Variants in KRTAP4-7 observed in about 807,000 individuals in gnomAD.
KRTAP4-7 encodes the protein keratin associated protein 4-7.
A neutral mutation model predicts 3.0 loss-of-function variants in KRTAP4-7; 1 was observed. The observed-to-expected ratio is 0.33, with a 90% confidence interval of 0.12 to 1.57. The LOEUF (loss-of-function observed/expected upper bound fraction) is 1.57. KRTAP4-7 is among the 40% of genes most tolerant of loss of function. The pLI is 0.37. For missense variants in KRTAP4-7, 199 were observed against 209.1 expected (o/e 0.95, Z 0.30); for synonymous variants, 70 against 74.6 (o/e 0.94, Z 0.32).
exon 1 of KRTAP4-7, chr17:41,085,058 C>A (rs1597973206): frequency 6.6e-6 from 2 of 302,562 alleles, no homozygotes; most frequent in South Asian, 7.7e-5. Flanking sequence ...ATCCAGCCAC[C>A]CAATTGTATT....
exon 1 of KRTAP4-7, chr17:41,084,593 CTGCCACACCACT>C (rs2013615205): frequency 6.3e-7 from 1 of 1,595,228 alleles, no homozygotes; most frequent in East Asian, 2.3e-5. Flanking sequence ...GCCGAGTCTC[CTGCCACACCACT>C]TGCTATCGCC....
exon 1 of KRTAP4-7, chr17:41,084,465 CCCAGCTGCTGTATGT>C (rs1474135497): frequency 7.3e-6 from 11 of 1,517,134 alleles, no homozygotes; most frequent in Admixed American, 3.5e-5. Flanking sequence ...CTGCTGCCGC[CCCAGCTGCTGTATGT>C]CCAGCTGCTG....
exon 1 of KRTAP4-7, chr17:41,084,767 T>A: frequency 2.0e-6 from 3 of 1,475,942 alleles, no homozygotes; most frequent in Non-Finnish European, 2.7e-6. Flanking sequence ...GAAGTGGGGT[T>A]GATGTCATTC....
At chr17:41,084,764 G>A (rs548949113) in exon 1 of KRTAP4-7, 125 of 1,476,824 alleles carry the variant, frequency 8.5e-5, no homozygotes, top group Middle Eastern at 5.3e-4. Flanking sequence ...CATGAAGTGG[G>A]GTTGATGTCA....
chr17:41,084,756 T>A (rs897342009), exon 1 of KRTAP4-7: 3 of 1,486,720 alleles, frequency 2.0e-6, no homozygotes, highest in Non-Finnish European at 1.8e-6. Flanking sequence ...TTAGGATACA[T>A]GAAGTGGGGT....
At chr17:41,084,173 G>C in exon 1 of KRTAP4-7, 1 of 1,579,640 alleles carries the variant, frequency 6.3e-7, no homozygotes, top group Non-Finnish European at 8.6e-7. Flanking sequence ...TCACTCTCTT[G>C]GAAACCCACC....
chr17:41,084,827 T>A, exon 1 of KRTAP4-7: 1 of 1,225,432 alleles, frequency 8.2e-7, no homozygotes, highest in African/African-American at 1.5e-5. Flanking sequence ...TTTCACTGAC[T>A]CTGTGAGAAC....
exon 1 of KRTAP4-7, chr17:41,084,613 G>T (rs554015981): frequency 1.3e-6 from 2 of 1,599,490 alleles, no homozygotes; most frequent in Admixed American, 1.7e-5. Flanking sequence ...ACTTGCTATC[G>T]CCCAACCTGT....
chr17:41,084,976 T>C, exon 1 of KRTAP4-7: 1 of 540,366 alleles, frequency 1.9e-6, no homozygotes, highest in Non-Finnish European at 3.3e-6. Flanking sequence ...CACTTTAAGG[T>C]ACAGATTCTC....
chr17:41,084,206 C>G, exon 1 of KRTAP4-7: 1 of 1,602,838 alleles, frequency 6.2e-7, no homozygotes, highest in East Asian at 2.2e-5. Flanking sequence ...GTTCTGACAC[C>G]ATGGTCAGCT....
At chr17:41,084,480 T>C (rs1356438180) in exon 1 of KRTAP4-7, 3 of 1,503,970 alleles carry the variant, frequency 2.0e-6, no homozygotes, top group Non-Finnish European at 2.7e-6. Context: ...CTGCTGTATG[T>C]CCAGCTGCTG....
chr17:41,084,683 C>G, exon 1 of KRTAP4-7: 1 of 1,577,636 alleles, frequency 6.3e-7, no homozygotes, highest in Non-Finnish European at 8.6e-7. Flanking sequence ...GAGCCCACTG[C>G]CCTGGCTCAC....
exon 1 of KRTAP4-7, chr17:41,085,005 A>G (rs2013625189): frequency 2.3e-6 from 1 of 443,226 alleles, no homozygotes; most frequent in East Asian, 4.1e-5. Context: ...TGAGGTAGAT[A>G]TTATCTGCAG....
exon 1 of KRTAP4-7, chr17:41,084,286 C>A: frequency 6.2e-7 from 1 of 1,613,898 alleles, no homozygotes; most frequent in East Asian, 2.2e-5. Context: ...TGCTGCCGCC[C>A]CAGCTGCTGT....
At chr17:41,084,233 G>C in exon 1 of KRTAP4-7, 1 of 1,611,636 alleles carries the variant, frequency 6.2e-7, no homozygotes, top group Non-Finnish European at 8.5e-7. Context: ...GTGGCTCCGT[G>C]TGCTCTGACC....
At chr17:41,085,009 T>C (rs895312919) in exon 1 of KRTAP4-7, 67 of 425,914 alleles carry the variant, frequency 1.6e-4, no homozygotes, top group Middle Eastern at 6.5e-4. Flanking sequence ...GTAGATATTA[T>C]CTGCAGGACC....
At chr17:41,085,031 T>A (rs1237743703) in exon 1 of KRTAP4-7, 1 of 374,298 alleles carries the variant, frequency 2.7e-6, no homozygotes, top group Non-Finnish European at 5.0e-6. Flanking sequence ...GTTTTGTCAC[T>A]GATGTTGCAC....
exon 1 of KRTAP4-7, chr17:41,084,803 A>T: frequency 1.5e-6 from 2 of 1,357,708 alleles, no homozygotes; most frequent in Non-Finnish European, 2.0e-6. Context: ...ATGCTTCCAA[A>T]GAGCCCACCA....
rs533663796 is a variant in KRTAP4-7, at chr17:41,084,258, G to T, written c.52G>T (p.Asp18Tyr). 147 of 1,613,694 alleles carry T rather than the reference G, an allele frequency of 9.1e-5. No individual in the cohort carries two copies. The African/African-American group carries it at 1.7e-3, about 19-fold the overall frequency. The change falls in exon 1 of 1, where the codon GAC becomes TAC. Residue 18 changes from aspartate to tyrosine, a missense_variant. Transcript: ENST00000391417. The stretch of plus-strand genomic sequence containing the variant: ...GTGCTCTGACCAGGGCTGCAGCCAA[G>T]ACCTCTGTCAGGAGACCTGCTGCCG...
Sources: gnomAD v4.1 joint callset for allele counts on GRCh38, gnomAD v4.1.1 for gene constraint, MANE v1.5 for transcripts, NCBI Gene and HGNC (gene_info 2026-07-23, HGNC 2026-07-21) for gene names.